The following SLF2 variants were observed in gnomAD, a reference collection of about 807,000 sequenced individuals.
SLF2 encodes the protein SMC5-SMC6 complex localization factor protein 2.
SLF2 carries 68 observed loss-of-function variants against 124.3 expected under a neutral mutation model. The ratio of observed to expected loss-of-function variants is 0.55; its 90% CI spans 0.45 to 0.67. The LOEUF (loss-of-function observed/expected upper bound fraction) is 0.67, where lower values mean the gene tolerates loss of function less well. SLF2 is among the 30% of genes least tolerant of loss of function. SLF2 has a pLI of 0.00. For synonymous variants in SLF2, 480 were observed against 478.8 expected (o/e 1.00, Z -0.03); for missense variants, 1,246 against 1,373.7 (o/e 0.91, Z 1.47).
In SLF2 at chr10:100,916,539, C is replaced by G. The variant is rs537125059; in HGVS notation, c.185-31C>G. On this transcript the variant is annotated intron_variant, in intron 2 of 19. Coordinates refer to ENST00000238961, the MANE Select transcript of SLF2 (RefSeq NM_018121.4). ...AAATATTAAATATTTTACTAACATG[C>G]AATTTGTATGTGTTTTAATTGGCTA... 3.8e-6 allele frequency: 5 copies of G among 1,306,478 alleles called. No individual in the cohort carries two copies. The African/African-American group carries it at 6.0e-5, about 16-fold the overall frequency. The allele number at this position is 1,306,478 out of a possible 1,614,324, so 80.9% of individuals were successfully genotyped here. A position where few individuals can be genotyped will look rare whatever the true frequency, so the allele number is the denominator to read the frequency against.
rs528144958 is a variant in SLF2 at position 100,956,620 on chromosome 10, A to G, written c.3417+83A>G. 3.9e-6 allele frequency: 4 copies of G among 1,017,160 alleles called. No homozygotes were observed. In the East Asian group the frequency reaches 7.3e-5, roughly 19 times the overall value. 63.0% of individuals were successfully genotyped at this position (1,017,160 alleles called of 1,614,324 possible). On this transcript the variant is annotated intron_variant, in intron 18 of 19. Transcript: ENST00000238961. ...TTTAAGGATAGAAGCATACAGGCCTATATTCAGAAAAAGAACATATAAGGC... is the reference window on the plus strand; with the variant it reads ...TTTAAGGATAGAAGCATACAGGCCTGTATTCAGAAAAAGAACATATAAGGC...
chr10:100,941,214 C>G (rs1849969810), intron 11 of SLF2, among the ~76,000 whole-genome samples: 1 of 152,090 alleles, frequency 6.6e-6, no homozygotes. Context: ...TTCATCATGG[C>G]AAGTTCTCTA....
intron 8 of SLF2, 136 bp downstream of exon 8, chr10:100,930,133 T>C: frequency 1.9e-6 from 1 of 518,006 alleles, no homozygotes; most frequent in Non-Finnish European, 3.3e-6. Flanking sequence ...TTACTATTGA[T>C]CTTTATGTTT....
At chr10:100,937,323 C>T in intron 9 of SLF2, 79 bp from the exon 10 acceptor site, 1 of 1,179,704 alleles carries the variant, frequency 8.5e-7, no homozygotes, top group Non-Finnish European at 1.3e-6. Context: ...CATAAAACAA[C>T]TTTATATGTG....
intron 9 of SLF2, among the ~76,000 whole-genome samples, chr10:100,932,823 G>C (rs968553411): frequency 2.0e-5 from 3 of 152,164 alleles, no homozygotes; most frequent in Non-Finnish European, 2.9e-5. Context: ...CGGGGTGAGA[G>C]AGAAAGTTTG....
intron 1 of SLF2, 44 bp downstream of exon 1, chr10:100,913,294 A>G: frequency 1.9e-5 from 28 of 1,482,870 alleles, no homozygotes; most frequent in Non-Finnish European, 2.4e-5. Context: ...CGCGGGGGCA[A>G]GGGTATGAGG....
At chr10:100,925,003 TGAA>T in intron 5 of SLF2, 31 bp downstream of exon 5, 2 of 1,561,344 alleles carry the variant, frequency 1.3e-6, no homozygotes, top group Non-Finnish European at 1.7e-6. Context: ...TATCTTTACT[TGAA>T]GAGGGAAAGA....
intron 17 of SLF2, among the ~76,000 whole-genome samples, chr10:100,952,896 G>A (rs760349447): frequency 4.0e-5 from 6 of 151,756 alleles, no homozygotes; most frequent in South Asian, 2.1e-4. Flanking sequence ...CTGAGATCAC[G>A]CCATTGCACA....
At chr10:100,944,308 A>G (rs565783649) in intron 12 of SLF2, among the ~76,000 whole-genome samples, 180 bp downstream of exon 12, 1 of 152,124 alleles carries the variant, frequency 6.6e-6, no homozygotes, top group East Asian at 1.9e-4. Flanking sequence ...ATCCTGGCTA[A>G]CACGGTGAAA....
At chr10:100,916,537 T>G (rs770511230) in intron 2 of SLF2, 33 bp from the exon 3 acceptor site, 1 of 1,305,966 alleles carries the variant, frequency 7.7e-7, no homozygotes. Context: ...TTTACTAACA[T>G]GCAATTTGTA....
chr10:100,919,422 C>T (rs1849485201), intron 4 of SLF2, among the ~76,000 whole-genome samples: 1 of 152,094 alleles, frequency 6.6e-6, no homozygotes. Flanking sequence ...GCAGTGTTCT[C>T]TAATATTTCA....
intron 19 of SLF2, among the ~76,000 whole-genome samples, chr10:100,961,277 T>C (rs1850424173): frequency 6.6e-6 from 1 of 152,156 alleles, no homozygotes; most frequent in South Asian, 2.1e-4. Flanking sequence ...GCCAGAGTGC[T>C]GGGATTACAG....
intron 10 of SLF2, among the ~76,000 whole-genome samples, chr10:100,938,207 TAAAAC>T (rs933204021): frequency 6.6e-6 from 1 of 152,174 alleles, no homozygotes; most frequent in Non-Finnish European, 1.5e-5. Flanking sequence ...GCCCTTATAA[TAAAAC>T]AAGCATAGTG....
In SLF2 at chr10:100,920,529, T is replaced by G. The variant is rs556660815; in HGVS notation, c.973+2088T>G. Among the ~76,000 whole-genome samples, 277 of 152,344 alleles carry G rather than the reference T, an allele frequency of 1.8e-3. 4 individuals are homozygous for G. Among genetic ancestry groups the G allele is most frequent in the African/African-American group, 6.3e-3 (264 of 41,576 alleles). On this transcript the variant is annotated intron_variant, in intron 4 of 19. Coordinates refer to ENST00000238961, the MANE Select transcript of SLF2 (RefSeq NM_018121.4). ...ATAATCACTAATAATTATAGCATTA[T>G]ACTCTTAATAAATATACATTTATAC...
At chr10:100,953,268 C>T (rs1434666135) in intron 17 of SLF2, among the ~76,000 whole-genome samples, 1 of 151,650 alleles carries the variant, frequency 6.6e-6, no homozygotes, top group Non-Finnish European at 1.5e-5. Context: ...GATCCGCCCA[C>T]CTCGGCCTCC....
Position 100,938,613 on chromosome 10 carries a change from C to G in SLF2, c.2531C>G (p.Pro844Arg), listed in dbSNP as rs144982962. Reference sequence around the variant, plus strand: ...TAATTAGATACCTTCAGTGACTCACCAGTTTGGCCATGGATCCCATCATTG... The same window carrying G: ...TAATTAGATACCTTCAGTGACTCACGAGTTTGGCCATGGATCCCATCATTG... The part of the protein sequence containing the change: ...TIRNDTFSDS[P>R]VWPWIPSLSD... The change falls in exon 11 of 20, where the codon CCA (proline) becomes CGA (arginine). Residue 844 changes from proline to arginine, a missense_variant. This residue lies in a region of SLF2 where 535 missense variants were observed against 632.8 expected (regional missense o/e 0.85). Coordinates refer to ENST00000238961, the MANE Select transcript of SLF2 (RefSeq NM_018121.4). The G allele has an allele frequency of 6.2e-7, 1 of 1,609,784 alleles. No homozygotes were observed. The highest frequency in any genetic ancestry group is 1.3e-5 in the African/African-American group (1 of 74,624).
intron 9 of SLF2, among the ~76,000 whole-genome samples, chr10:100,932,522 G>A (rs1426860511): frequency 6.6e-6 from 1 of 152,090 alleles, no homozygotes; most frequent in African/African-American, 2.4e-5. Context: ...AAGAAATCTC[G>A]TATTTGGTGA....
In SLF2 at chr10:100,912,965, T is replaced by C; in HGVS notation, c.-146T>C. The C allele has an allele frequency of 1.2e-6, 1 of 829,520 alleles. No individual in the cohort carries two copies. Among genetic ancestry groups the C allele is most frequent in the South Asian group, 1.8e-5 (1 of 56,084 alleles). The allele number at this position is 829,520 out of a possible 1,614,324, so 51.4% of individuals were successfully genotyped here. On this transcript the variant is annotated 5_prime_UTR_variant, in exon 1 of 20. Transcript: ENST00000238961. ...TCCTTCCCGCTCACGCCGGAGTCAC[T>C]TCCGAAGAGAGAACCGCCATGAAGA...
intron 11 of SLF2, among the ~76,000 whole-genome samples, chr10:100,939,234 A>C (rs906053200): frequency 3.3e-5 from 5 of 152,224 alleles, no homozygotes; most frequent in African/African-American, 1.2e-4. Flanking sequence ...TAAAAGATAC[A>C]CTGGGCTGGG....
Sources: gnomAD v4.1 joint callset for allele counts (sites outside exome capture counted in the v4.1 genomes callset) on GRCh38, gnomAD v4.1.1 for gene constraint, gnomAD v4.1.1 regional missense constraint, MANE v1.5 for transcripts, NCBI Gene and HGNC (gene_info 2026-07-23, HGNC 2026-07-21) for gene names.